Variants in CHODL observed in about 807,000 individuals in gnomAD.
CHODL encodes the protein transmembrane protein MT75.
Under a neutral mutation model 34.5 loss-of-function variants are expected in CHODL, and 29 were observed. The observed-to-expected ratio is 0.84, with a 90% CI of 0.63 to 1.15. The LOEUF (loss-of-function observed/expected upper bound fraction) is 1.15. Among genes scored for constraint, CHODL ranks in the 50% most tolerant of loss-of-function variants. CHODL has a pLI of 0.00. For synonymous variants in CHODL, 125 were observed against 116.1 expected (o/e 1.08, Z -0.49); for missense variants, 332 against 332.5 (o/e 1.00, Z 0.01).
intron 2 of CHODL, among the ~76,000 whole-genome samples, chr21:18,121,197 G>T (rs1331826762): frequency 6.6e-6 from 1 of 152,106 alleles, no homozygotes; most frequent in Non-Finnish European, 1.5e-5. Flanking sequence ...CAGCAGGGGT[G>T]TCCAATCTTT....
At chr21:17,918,004 C>A (rs1220499095) in intron 1 of CHODL, among the ~76,000 whole-genome samples, 1 of 151,912 alleles carries the variant, frequency 6.6e-6, no homozygotes, top group African/African-American at 2.4e-5. Context: ...TAAAAGATCT[C>A]ATGAAAGTTT....
intron 2 of CHODL, among the ~76,000 whole-genome samples, chr21:18,167,703 A>AT (rs983041737): frequency 2.6e-5 from 4 of 151,886 alleles, no homozygotes; most frequent in African/African-American, 9.7e-5. Flanking sequence ...TTTTTCTTTT[A>AT]TTTTTGTTAT....
chr21:18,096,505 T>C (rs9975035), intron 2 of CHODL, among the ~76,000 whole-genome samples: 95 of 152,240 alleles, frequency 6.2e-4, no homozygotes, highest in African/African-American at 2.2e-3. Flanking sequence ...GGGAGGTCTA[T>C]AAATGGCCAC....
rs200355509 is a variant in CHODL, at chr21:18,250,316, ATT to A, written c.79+5019_79+5020del. ...TCTAATCTCCATTGTAAATATTCTG[ATT>A]TTTTAAAAAAATAGTCTCATGCTCT... On this transcript the variant is annotated intron_variant, in intron 1 of 5. Transcript: ENST00000299295. 1.1e-3 allele frequency among the ~76,000 whole-genome samples: 164 copies of A among 150,830 alleles called. 1 individual carries two copies. The highest frequency in any genetic ancestry group is 3.7e-3 in the African/African-American group (147 of 40,246).
chr21:18,011,065 G>A (rs998465187), intron 1 of CHODL, among the ~76,000 whole-genome samples: 13 of 152,060 alleles, frequency 8.5e-5, no homozygotes, highest in African/African-American at 1.9e-4. Context: ...AAATGGTCCC[G>A]ATTCCCTATG....
chr21:17,985,157 A>C (rs950667445), intron 1 of CHODL, among the ~76,000 whole-genome samples: 1 of 152,174 alleles, frequency 6.6e-6, no homozygotes, highest in South Asian at 2.1e-4. Context: ...TCTATAATAT[A>C]GATACTTCCT....
intron 1 of CHODL, among the ~76,000 whole-genome samples, chr21:18,015,588 G>A (rs1293727225): frequency 6.6e-6 from 1 of 152,122 alleles, no homozygotes; most frequent in African/African-American, 2.4e-5. Flanking sequence ...ATGGGCAGAG[G>A]GTTGAACAAC....
At chr21:18,161,931 T>C (rs1218218945) in intron 2 of CHODL, among the ~76,000 whole-genome samples, 1 of 152,196 alleles carries the variant, frequency 6.6e-6, no homozygotes, top group East Asian at 1.9e-4. Context: ...CTGAAAAGTA[T>C]GTGAATCCTA....
chr21:17,949,516 A>G (rs1239674629), intron 1 of CHODL, among the ~76,000 whole-genome samples: 6 of 152,156 alleles, frequency 3.9e-5, no homozygotes. Context: ...AGTGGGGAAG[A>G]GATGAAGTTC....
intron 1 of CHODL, among the ~76,000 whole-genome samples, chr21:18,015,066 A>C (rs769313291): frequency 2.0e-5 from 3 of 152,192 alleles, no homozygotes; most frequent in Admixed American, 6.5e-5. Flanking sequence ...TTGTATACAA[A>C]ATGCTGATAG....
intron 1 of CHODL, among the ~76,000 whole-genome samples, chr21:18,007,630 C>T (rs952701674): frequency 6.6e-6 from 1 of 152,148 alleles, no homozygotes; most frequent in African/African-American, 2.4e-5. Context: ...GTAATCTCCT[C>T]AAAGAACCCC....
chr21:17,938,478 TTTTTTTTTTTTTTTTAAG>T (rs976788413), intron 1 of CHODL, among the ~76,000 whole-genome samples: 8 of 1,324 alleles, frequency 6.0e-3, no homozygotes, highest in Non-Finnish European at 0.011. Flanking sequence ...TTTTTTTTTT[TTTTTTTTTTTTTTTTAAG>T]GAAAGGGAGT....
chr21:18,064,120 T>G lies in CHODL; in HGVS notation c.-45+36149T>G, dbSNP rs74516187. 8.1e-3 allele frequency among the ~76,000 whole-genome samples: 1,233 copies of G among 152,314 alleles called. 21 individuals are homozygous for G. The highest frequency in any genetic ancestry group is 0.028 in the African/African-American group (1,171 of 41,566). On this transcript the variant is annotated intron_variant, in intron 2 of 6. Transcript: ENST00000400127. ...TTTAAGAGCCTTTCTTTGTTAGCAC[T>G]CATCACAATTACAATATATTTTAAA...
intron 2 of CHODL, among the ~76,000 whole-genome samples, chr21:18,111,990 A>T (rs1363152332): frequency 6.6e-6 from 1 of 152,208 alleles, no homozygotes; most frequent in Non-Finnish European, 1.5e-5. Context: ...ATAATCATAT[A>T]TTCCTTTATG....
At chr21:18,148,430 A>AT (rs11410350) in intron 2 of CHODL, among the ~76,000 whole-genome samples, 12,635 of 152,130 alleles carry the variant, frequency 0.083, 692 homozygotes, top group Middle Eastern at 0.2. Flanking sequence ...TTTTTTTAAG[A>AT]TTGAAGAGAA....
chr21:18,100,537 A>G (rs1056283726), intron 2 of CHODL, among the ~76,000 whole-genome samples: 11 of 152,132 alleles, frequency 7.2e-5, no homozygotes, highest in African/African-American at 2.4e-4. Flanking sequence ...ATGTTCATAG[A>G]TAAGTATTGG....
chr21:18,234,539 C>A (rs1187891475), intron 2 of CHODL, among the ~76,000 whole-genome samples: 2 of 151,974 alleles, frequency 1.3e-5, no homozygotes, highest in African/African-American at 4.8e-5. Context: ...AGAAATGGTT[C>A]TTTGTAACAT....
intron 2 of CHODL, among the ~76,000 whole-genome samples, chr21:18,172,676 T>G (rs2073246534): frequency 6.6e-6 from 1 of 152,198 alleles, no homozygotes; most frequent in Non-Finnish European, 1.5e-5. Flanking sequence ...GTTCTTATCA[T>G]TTTTACAGAA....
intron 2 of CHODL, among the ~76,000 whole-genome samples, chr21:18,059,829 T>G (rs9305836): frequency 0.058 from 8,795 of 152,212 alleles, 782 homozygotes; most frequent in African/African-American, 0.19. Flanking sequence ...ACTTTGCTGT[T>G]CATTCTCAAT....
Sources: allele counts gnomAD v4.1 joint callset (sites outside exome capture counted in the v4.1 genomes callset), GRCh38; gene constraint gnomAD v4.1.1; transcripts MANE v1.5; gene names NCBI Gene and HGNC (gene_info 2026-07-23, HGNC 2026-07-21).